PRKN: variants seen among roughly 807,000 people sequenced by gnomAD.
PRKN encodes the protein parkin RBR E3 ubiquitin protein ligase.
Under a neutral mutation model 59.5 loss-of-function variants are expected in PRKN, and 56 were observed. That is an observed-to-expected ratio of 0.94 (90% CI 0.76 to 1.18). The LOEUF is 1.18. PRKN is among the 50% of genes most tolerant of loss of function. The pLI is 0.00. For missense variants in PRKN, 657 were observed against 596.4 expected, an observed-to-expected ratio of 1.10 and a Z score of -1.06; for synonymous variants, 250 against 222.1, an observed-to-expected ratio of 1.13 and a Z score of -1.12.
chr6:162,532,374 A>G (rs1778550824), intron 1 of PRKN, among the ~76,000 whole-genome samples: 1 of 152,246 alleles, frequency 6.6e-6, no homozygotes, highest in Non-Finnish European at 1.5e-5. Context: ...CTCATAGTGC[A>G]CATCGTTACA....
At chr6:162,356,036 C>T in intron 2 of PRKN, among the ~76,000 whole-genome samples, 1 of 152,232 alleles carries the variant, frequency 6.6e-6, no homozygotes, top group African/African-American at 2.4e-5. Context: ...GTATACAGGG[C>T]TATCTCAGAC....
At chr6:161,928,017 C>T (rs9355375) in intron 6 of PRKN, among the ~76,000 whole-genome samples, 54,601 of 151,934 alleles carry the variant, frequency 0.36, 10,144 homozygotes, top group Middle Eastern at 0.52. Flanking sequence ...ATGATGGTAC[C>T]CCTGGGAGAC....
At chr6:161,624,183 A>G (rs1783005921) in intron 7 of PRKN, among the ~76,000 whole-genome samples, 1 of 152,238 alleles carries the variant, frequency 6.6e-6, no homozygotes, top group Admixed American at 6.5e-5. Flanking sequence ...AGACAGTGCC[A>G]CATTAGTTAC....
At chr6:161,619,981 CTTTTTTT>C (rs71004058) in intron 7 of PRKN, among the ~76,000 whole-genome samples, 10 of 63,166 alleles carry the variant, frequency 1.6e-4, no homozygotes, top group South Asian at 6.7e-4. Flanking sequence ...ACACATTATT[CTTTTTTT>C]TTTTTTTTTT....
chr6:162,006,487 C>T (rs1487234113), intron 5 of PRKN, among the ~76,000 whole-genome samples: 1 of 152,178 alleles, frequency 6.6e-6, no homozygotes, highest in Non-Finnish European at 1.5e-5. Context: ...TCTAGTGTTC[C>T]ATTCCACTTG....
At chr6:161,774,603 G>T (rs1303062681) in intron 7 of PRKN, among the ~76,000 whole-genome samples, 13 of 152,138 alleles carry the variant, frequency 8.5e-5, no homozygotes, top group African/African-American at 2.9e-4. Flanking sequence ...GAGACACAGG[G>T]GCTGCTGTGG....
intron 1 of PRKN, among the ~76,000 whole-genome samples, chr6:162,508,659 G>A (rs961112660): frequency 1.3e-5 from 2 of 152,036 alleles, no homozygotes; most frequent in African/African-American, 2.4e-5. Context: ...CAGGGTTAGG[G>A]GCTCTCTTTA....
At chr6:161,743,109 C>T (rs969356780) in intron 7 of PRKN, among the ~76,000 whole-genome samples, 3 of 151,404 alleles carry the variant, frequency 2.0e-5, no homozygotes, top group Non-Finnish European at 4.4e-5. Flanking sequence ...TTTTTCCCCA[C>T]AGATTAGATT....
At chr6:162,142,813 T>TA (rs1781845644) in intron 4 of PRKN, among the ~76,000 whole-genome samples, 1 of 152,236 alleles carries the variant, frequency 6.6e-6, no homozygotes, top group South Asian at 2.1e-4. Flanking sequence ...AGGTAGATTT[T>TA]ATCATCATCT....
At chr6:162,651,893 G>A (rs1778453194) in intron 1 of PRKN, among the ~76,000 whole-genome samples, 1 of 152,068 alleles carries the variant, frequency 6.6e-6, no homozygotes, top group Non-Finnish European at 1.5e-5. Context: ...GTAGATAGTT[G>A]ACTTTTGCAT....
chr6:162,350,582 T>C (rs1230705703), intron 2 of PRKN, among the ~76,000 whole-genome samples: 1 of 152,192 alleles, frequency 6.6e-6, no homozygotes, highest in Non-Finnish European at 1.5e-5. Context: ...GAATGAATAG[T>C]CTTTTCAAAA....
At chr6:161,635,028 C>T (rs1189443248) in intron 7 of PRKN, among the ~76,000 whole-genome samples, 1 of 152,238 alleles carries the variant, frequency 6.6e-6, no homozygotes, top group South Asian at 2.1e-4. Flanking sequence ...ATGCTCCTTC[C>T]TCAGGGCCGT....
At chr6:162,079,899 T>C (rs1778990111) in intron 4 of PRKN, among the ~76,000 whole-genome samples, 1 of 152,168 alleles carries the variant, frequency 6.6e-6, no homozygotes, top group Non-Finnish European at 1.5e-5. Context: ...TTATGTTTAT[T>C]GGAAAAATGA....
At chr6:162,554,477 G>T (rs1779471028) in intron 1 of PRKN, among the ~76,000 whole-genome samples, 1 of 152,092 alleles carries the variant, frequency 6.6e-6, no homozygotes, top group Non-Finnish European at 1.5e-5. Context: ...ATTCCAGCCT[G>T]GGCAGCAAGA....
intron 7 of PRKN, among the ~76,000 whole-genome samples, chr6:161,695,743 G>A (rs1441828959): frequency 6.6e-6 from 1 of 152,144 alleles, no homozygotes; most frequent in East Asian, 1.9e-4. Flanking sequence ...AGGATTAATG[G>A]GGACAAAACC....
chr6:162,654,798 C>T (rs1778579156), intron 1 of PRKN, among the ~76,000 whole-genome samples: 1 of 152,050 alleles, frequency 6.6e-6, no homozygotes, highest in Non-Finnish European at 1.5e-5. Context: ...GAAGCAAACA[C>T]TTCTTTCTAA....
At chr6:161,427,565 G>A (rs1788428872) in intron 9 of PRKN, among the ~76,000 whole-genome samples, 1 of 152,114 alleles carries the variant, frequency 6.6e-6, no homozygotes, top group Non-Finnish European at 1.5e-5. Context: ...TCTTGTCTGG[G>A]TTGCTAGTAA....
chr6:162,399,770 A>C (rs918953890), intron 2 of PRKN, among the ~76,000 whole-genome samples: 7 of 152,136 alleles, frequency 4.6e-5, no homozygotes, highest in Non-Finnish European at 1.0e-4. Flanking sequence ...TAACAGAGAA[A>C]CTTAAGGAAC....
At chr6:162,304,523 CTATCTATCTATCTATCTATCTATT>C (rs1782130729) in intron 2 of PRKN, among the ~76,000 whole-genome samples, 1 of 141,374 alleles carries the variant, frequency 7.1e-6, no homozygotes, top group South Asian at 2.3e-4. Context: ...ATCTATCTAT[CTATCTATCTATCTATCTATCTATT>C]TATCCATCTG....
Sources: gnomAD v4.1 joint callset for allele counts (sites outside exome capture counted in the v4.1 genomes callset) on GRCh38, gnomAD v4.1.1 for gene constraint, MANE v1.5 for transcripts, NCBI Gene and HGNC (gene_info 2026-07-23, HGNC 2026-07-21) for gene names.